RPL28: variants seen among roughly 807,000 people sequenced by gnomAD.
RPL28 encodes the protein ribosomal protein L28.
A neutral mutation model predicts 12.5 loss-of-function variants in RPL28; 4 were observed. The observed-to-expected ratio is 0.32, with a 90% confidence interval of 0.16 to 0.73. RPL28 has a LOEUF of 0.73. RPL28 is among the 30% of genes least tolerant of loss of function. RPL28 has a pLI of 0.66. For missense variants in RPL28, 214 were observed against 197.7 expected (o/e 1.08, Z -0.49); for synonymous variants, 91 against 72.5 (o/e 1.26, Z -1.30).
intron 4 of RPL28, 47 bp downstream of exon 4, chr19:55,388,095 G>A (rs372715786): frequency 2.4e-5 from 38 of 1,608,382 alleles, no homozygotes; most frequent in Non-Finnish European, 3.1e-5. Flanking sequence ...GGCCAGTGCT[G>A]TGGGGAAGGG....
intron 4 of RPL28, among the ~76,000 whole-genome samples, chr19:55,397,308 A>AT (rs775493527): frequency 1.4e-4 from 21 of 152,116 alleles, no homozygotes; most frequent in Non-Finnish European, 2.8e-4. Flanking sequence ...CTTAGTTTTG[A>AT]TTATGTTTGT....
intron 4 of RPL28, chr19:55,400,305 T>C (rs2090047756): frequency 6.6e-6 from 1 of 152,206 alleles, no homozygotes; most frequent in African/African-American, 2.4e-5. Flanking sequence ...GCGTGAGCCA[T>C]TGCGCCTGGC....
At chr19:55,394,935 C>T (rs1008537176), downstream of RPL28, among the ~76,000 whole-genome samples, 3 of 152,036 alleles carry the variant, frequency 2.0e-5, no homozygotes, top group African/African-American at 4.8e-5. Context: ...AAAAAGCAAC[C>T]TGCAAATAGT....
At chr19:55,395,612 T>G (rs1216359394), downstream of RPL28, among the ~76,000 whole-genome samples, 1 of 151,610 alleles carries the variant, frequency 6.6e-6, no homozygotes, top group Non-Finnish European at 1.5e-5. Flanking sequence ...CCCGGCTAAT[T>G]TTTTGTATTT....
chr19:55,399,095 C>T (rs1472428495), intron 4 of RPL28, among the ~76,000 whole-genome samples: 2 of 152,172 alleles, frequency 1.3e-5, no homozygotes, highest in Non-Finnish European at 1.5e-5. Flanking sequence ...TCAAGTGACC[C>T]TCACACTTCC....
intron 4 of RPL28, among the ~76,000 whole-genome samples, chr19:55,402,769 CAA>C (rs1326159351): frequency 6.6e-6 from 1 of 152,164 alleles, no homozygotes; most frequent in Non-Finnish European, 1.5e-5. Context: ...CAGCAGCCTC[CAA>C]TGACACCCCA....
rs1440097377 is a variant in RPL28 at position 55,388,852 on chromosome 19, G to A, written c.*520G>A. 2.0e-6 allele frequency: 2 copies of A among 986,342 alleles called. No individual in the cohort carries two copies. The highest frequency in any genetic ancestry group is 2.4e-6 in the Non-Finnish European group (2 of 830,712). The allele number at this position is 986,342 out of a possible 1,614,324, so 61.1% of individuals were successfully genotyped here. On this transcript the variant is annotated 3_prime_UTR_variant, in exon 5 of 5. Coordinates refer to ENST00000344063, the MANE Select transcript of RPL28 (RefSeq NM_000991.5). ...TTGGAGGGGATGGGCTTTACTTGAT[G>A]CAACCTCATCTCTGAGATGGGCAAC...
At chr19:55,398,756 C>T (rs538122385) in intron 4 of RPL28, among the ~76,000 whole-genome samples, 73 of 152,158 alleles carry the variant, frequency 4.8e-4, no homozygotes, top group Non-Finnish European at 1.0e-3. Flanking sequence ...GACTGGAGTG[C>T]GGTGGTGCAA....
Position 55,391,841 on chromosome 19 carries a change from T to TG in RPL28, c.*3510dup, listed in dbSNP as rs1220379366. On this transcript the variant is annotated 3_prime_UTR_variant, in exon 5 of 5. Coordinates refer to ENST00000344063, the MANE Select transcript of RPL28 (RefSeq NM_000991.5). ...TATGACTAATTTGTACACAAACTAA[T>TG]GCTCGTGTTTCCCAAGCACCTGGAA... 1 of 1,397,466 alleles carries TG rather than the reference T, an allele frequency of 7.2e-7. No individual in the cohort carries two copies. Among genetic ancestry groups the TG allele is most frequent in the African/African-American group, 1.5e-5 (1 of 68,682 alleles). The allele number at this position is 1,397,466 out of a possible 1,614,324, so 86.6% of individuals were successfully genotyped here.
chr19:55,393,638 T>G (rs558777979), downstream of RPL28, among the ~76,000 whole-genome samples: 1,786 of 148,478 alleles, frequency 0.012, 41 homozygotes, highest in South Asian at 0.038. Flanking sequence ...TTTGTTTTTT[T>G]TTTTTTTTTT....
chr19:55,386,840 T>A, intron 3 of RPL28, 147 bp downstream of exon 3: 9 of 1,568,366 alleles, frequency 5.7e-6, no homozygotes, highest in Non-Finnish European at 7.8e-6. Flanking sequence ...CCGGCTTCCC[T>A]CTCGGCCGAC....
chr19:55,388,081 G>C, intron 4 of RPL28, 33 bp downstream of exon 4: 1 of 1,612,276 alleles, frequency 6.2e-7, no homozygotes, highest in Non-Finnish European at 8.5e-7. Flanking sequence ...GGCTTGGGGA[G>C]ACTGGCCAGT....
downstream of RPL28, among the ~76,000 whole-genome samples, chr19:55,395,003 C>T (rs2090012559): frequency 6.6e-6 from 1 of 152,154 alleles, no homozygotes; most frequent in Non-Finnish European, 1.5e-5. Flanking sequence ...CAATAAGATG[C>T]ATGTGTATTT....
downstream of RPL28, among the ~76,000 whole-genome samples, chr19:55,396,832 G>A (rs113299471): frequency 9.3e-5 from 14 of 151,302 alleles, no homozygotes; most frequent in African/African-American, 2.7e-4. Flanking sequence ...CGCCCGCCTT[G>A]GCCTCCCAAA....
chr19:55,387,055 G>A, intron 3 of RPL28: 1 of 1,436,264 alleles, frequency 7.0e-7, no homozygotes, highest in Non-Finnish European at 9.1e-7. Context: ...ACAGGGGAGG[G>A]GCCCTCGCTA....
chr19:55,387,622 G>T, intron 3 of RPL28: 1 of 1,394,522 alleles, frequency 7.2e-7, no homozygotes, highest in Non-Finnish European at 9.3e-7. Context: ...CAGGAGCGTG[G>T]GCTCTGGCTG....
In RPL28 at chr19:55,390,611, C is replaced by T. The variant is rs920861349; in HGVS notation, c.*2279C>T. 4.1e-6 allele frequency: 4 copies of T among 985,594 alleles called. No individual in the cohort carries two copies. The highest frequency in any genetic ancestry group is 6.2e-5 in the Admixed American group (1 of 16,260). 61.1% of individuals were successfully genotyped at this position (985,594 alleles called of 1,614,324 possible). On this transcript the variant is annotated 3_prime_UTR_variant, in exon 5 of 5. Coordinates refer to ENST00000344063, the MANE Select transcript of RPL28 (RefSeq NM_000991.5). ...TGGAGTCCTGCTGGCTTTCTCCATC[C>T]CTATCTGAATCCTCCCTGCTGTGTG...
intron 4 of RPL28, chr19:55,402,922 GT>G (rs1481541837): frequency 6.6e-7 from 1 of 1,524,738 alleles, no homozygotes; most frequent in East Asian, 2.4e-5. Context: ...TAGAAATTTG[GT>G]TAACTTTTTT....
At position 55,388,968 on chromosome 19, in the gene RPL28, T is replaced by A; in HGVS notation, c.*636T>A. The A allele has an allele frequency of 1.0e-6, 1 of 985,412 alleles. No homozygotes were observed. The highest frequency in any genetic ancestry group is 1.2e-6 in the Non-Finnish European group (1 of 829,952). The allele number at this position is 985,412 out of a possible 1,614,324, so 61.0% of individuals were successfully genotyped here. A position where few individuals can be genotyped will look rare whatever the true frequency, so the allele number is the denominator to read the frequency against. Reference sequence around the variant, plus strand: ...AGCAGCCTTAGCATTGTCCCCCTACTCCCGTCCTCCAGGTGTCCCCATCCC... The same window carrying A: ...AGCAGCCTTAGCATTGTCCCCCTACACCCGTCCTCCAGGTGTCCCCATCCC... On this transcript the variant is annotated 3_prime_UTR_variant, in exon 5 of 5. Coordinates refer to ENST00000344063, the MANE Select transcript of RPL28 (RefSeq NM_000991.5).
Sources: allele counts gnomAD v4.1 joint callset (sites outside exome capture counted in the v4.1 genomes callset), GRCh38; gene constraint gnomAD v4.1.1; transcripts MANE v1.5; gene names NCBI Gene and HGNC (gene_info 2026-07-23, HGNC 2026-07-21).